The following LRP1B variants were observed in gnomAD, a reference collection of about 807,000 sequenced individuals.
LRP1B encodes low-density lipoprotein receptor-related protein 1B.
A neutral mutation model predicts 556.6 loss-of-function variants in LRP1B; 217 were observed. The observed-to-expected ratio is 0.39, with a 90% CI of 0.35 to 0.44. The LOEUF (loss-of-function observed/expected upper bound fraction) is 0.44. LRP1B is among the 20% of genes least tolerant of loss of function. The probability of loss-of-function intolerance (pLI) is 1.00; values close to 1 mark genes in which losing one functional copy is unlikely to be tolerated. For missense variants in LRP1B, 5,053 were observed against 5,620.8 expected (o/e 0.90, Z 3.23); for synonymous variants, 2,047 against 1,865.8 (o/e 1.10, Z -2.50).
intron 1 of LRP1B, among the ~76,000 whole-genome samples, chr2:142,127,515 C>T (rs1345422874): frequency 6.6e-6 from 1 of 151,782 alleles, no homozygotes; most frequent in African/African-American, 2.4e-5. Context: ...CATTTAAATT[C>T]TTTCTTTACC....
At chr2:140,644,621 C>T (rs1476314057) in intron 41 of LRP1B, among the ~76,000 whole-genome samples, 1 of 151,876 alleles carries the variant, frequency 6.6e-6, no homozygotes. Context: ...TTATGCTGCC[C>T]AGGCAGGTCT....
chr2:140,783,638 T>C (rs1264675527), intron 32 of LRP1B, among the ~76,000 whole-genome samples: 1 of 152,152 alleles, frequency 6.6e-6, no homozygotes, highest in African/African-American at 2.4e-5. Context: ...CAGATGCAAG[T>C]TAATTTGTAC....
chr2:140,830,316 C>T (rs1303343171), intron 31 of LRP1B, among the ~76,000 whole-genome samples: 3 of 151,922 alleles, frequency 2.0e-5, no homozygotes, highest in Non-Finnish European at 4.4e-5. Context: ...ACTAGGAAAA[C>T]TATATCCCTA....
In LRP1B at chr2:140,960,057, C is replaced by G. The variant is rs529645098; in HGVS notation, c.2888-8117G>C. Among the ~76,000 whole-genome samples, 13 of 151,698 alleles carry G rather than the reference C, an allele frequency of 8.6e-5. No homozygotes were observed. In the East Asian group the frequency reaches 1.2e-3, roughly 14 times the overall value. ...TAATTTTTTTATCAATTTGCTTATA[C>G]ACATTGACTTTCCACTGAAAATAAT... On this transcript the variant is annotated intron_variant, in intron 18 of 90. Transcript: ENST00000389484.
chr2:141,254,104 G>A (rs1169221525), intron 4 of LRP1B, among the ~76,000 whole-genome samples: 1 of 151,884 alleles, frequency 6.6e-6, no homozygotes, highest in Non-Finnish European at 1.5e-5. Flanking sequence ...TTATTGCTAT[G>A]GTTAAAATGC....
At chr2:141,233,588 CTG>C (rs1178177591) in intron 5 of LRP1B, among the ~76,000 whole-genome samples, 1 of 152,090 alleles carries the variant, frequency 6.6e-6, no homozygotes, top group Non-Finnish European at 1.5e-5. Flanking sequence ...GCCACCATAA[CTG>C]TGTCCTTGCA....
At chr2:141,510,877 A>AATACACAC (rs1559112787) in intron 2 of LRP1B, among the ~76,000 whole-genome samples, 1 of 141,258 alleles carries the variant, frequency 7.1e-6, no homozygotes, top group Non-Finnish European at 1.5e-5. Context: ...TCCTTGTCTA[A>AATACACAC]ACACACACAC....
At chr2:141,588,224 T>G (rs1424900370) in intron 2 of LRP1B, among the ~76,000 whole-genome samples, 1 of 149,566 alleles carries the variant, frequency 6.7e-6, no homozygotes, top group Non-Finnish European at 1.5e-5. Flanking sequence ...TCTTCATTAA[T>G]CCCCAACTTA....
intron 41 of LRP1B, among the ~76,000 whole-genome samples, chr2:140,656,296 G>T (rs1349154109): frequency 6.6e-6 from 1 of 152,100 alleles, no homozygotes; most frequent in East Asian, 1.9e-4. Flanking sequence ...ATTTTAAAGG[G>T]ATGTACTAAT....
intron 23 of LRP1B, among the ~76,000 whole-genome samples, chr2:140,899,644 C>T (rs533444415): frequency 1.3e-5 from 2 of 152,242 alleles, no homozygotes; most frequent in East Asian, 1.9e-4. Flanking sequence ...AGTGTTTATA[C>T]TTGGAATTTA....
In LRP1B at chr2:140,427,082, A is replaced by T. The variant is rs187060080; in HGVS notation, c.10414+15422T>A. Among the ~76,000 whole-genome samples, 481 of 152,138 alleles carry T rather than the reference A, an allele frequency of 3.2e-3. 4 individuals carry two copies. The highest frequency in any genetic ancestry group is 0.011 in the African/African-American group (469 of 41,474). ...CAATTCCTTTCATTTTCTCGTAGAGACAAAGGAGACACATTTTATCCGTGG... is the reference window on the plus strand; with the variant it reads ...CAATTCCTTTCATTTTCTCGTAGAGTCAAAGGAGACACATTTTATCCGTGG... On this transcript the variant is annotated intron_variant, in intron 66 of 90. Coordinates refer to ENST00000389484, the MANE Select transcript of LRP1B (RefSeq NM_018557.3).
At chr2:140,642,494 G>T (rs991806008) in intron 41 of LRP1B, among the ~76,000 whole-genome samples, 24 of 152,106 alleles carry the variant, frequency 1.6e-4, no homozygotes, top group African/African-American at 5.3e-4. Context: ...TGAATTATCA[G>T]CACCTACTGA....
At chr2:140,673,829 G>A (rs1390555684) in intron 41 of LRP1B, among the ~76,000 whole-genome samples, 2 of 151,900 alleles carry the variant, frequency 1.3e-5, no homozygotes, top group Non-Finnish European at 2.9e-5. Flanking sequence ...CAACTGACCA[G>A]CATTAACATT....
intron 82 of LRP1B, among the ~76,000 whole-genome samples, chr2:140,320,200 CTCTG>C (rs1680025108): frequency 1.3e-5 from 2 of 150,900 alleles, no homozygotes; most frequent in South Asian, 4.2e-4. Flanking sequence ...ATAGTTTTAA[CTCTG>C]TCTCTTCTGT....
At chr2:140,505,321 G>C (rs775473911) in intron 53 of LRP1B, among the ~76,000 whole-genome samples, 1 of 152,086 alleles carries the variant, frequency 6.6e-6, no homozygotes, top group Non-Finnish European at 1.5e-5. Context: ...CTTGAACCCA[G>C]GCTCTCCAGC....
intron 1 of LRP1B, among the ~76,000 whole-genome samples, chr2:142,114,829 G>A (rs1270769453): frequency 6.6e-6 from 1 of 152,012 alleles, no homozygotes; most frequent in African/African-American, 2.4e-5. Context: ...AAAAGATCTG[G>A]TGTTTGATAG....
chr2:140,235,695 CA>C (rs1422296725), intron 89 of LRP1B, among the ~76,000 whole-genome samples: 1 of 150,954 alleles, frequency 6.6e-6, no homozygotes, highest in East Asian at 2.0e-4. Flanking sequence ...GGCACTGAAA[CA>C]TAGTTTTATC....
At chr2:141,654,443 T>C (rs532948178) in intron 2 of LRP1B, among the ~76,000 whole-genome samples, 44 of 152,276 alleles carry the variant, frequency 2.9e-4, no homozygotes, top group Middle Eastern at 3.4e-3. Context: ...GGGAAATTTA[T>C]TGGGAAGACA....
intron 2 of LRP1B, among the ~76,000 whole-genome samples, chr2:141,807,534 A>G (rs573379939): frequency 2.0e-5 from 3 of 152,134 alleles, no homozygotes; most frequent in Non-Finnish European, 4.4e-5. Context: ...TTTTGGATCC[A>G]TCAAATGTTA....
Sources: gnomAD v4.1 joint callset for allele counts (sites outside exome capture counted in the v4.1 genomes callset) on GRCh38, gnomAD v4.1.1 for gene constraint, MANE v1.5 for transcripts, NCBI Gene and HGNC (gene_info 2026-07-23, HGNC 2026-07-21) for gene names.